The following SAMMSON variants were observed in gnomAD, a reference collection of about 807,000 sequenced individuals.
SAMMSON encodes long intergenic non-protein coding RNA 1212.
chr3:70,321,774 CT>C (rs1271005285), intron 7 of SAMMSON, among the ~76,000 whole-genome samples: 1 of 151,668 alleles, frequency 6.6e-6, no homozygotes, highest in African/African-American at 2.4e-5. Flanking sequence ...ACTATAAGGC[CT>C]TCGCTTAACT....
intron 4 of SAMMSON, among the ~76,000 whole-genome samples, chr3:70,191,413 T>C (rs1392417170): frequency 6.6e-6 from 1 of 152,334 alleles, no homozygotes; most frequent in East Asian, 1.9e-4. Flanking sequence ...GGGGCTGGCC[T>C]GGGTGCATTG....
chr3:70,384,044 A>G (rs1215563955), intron 9 of SAMMSON, among the ~76,000 whole-genome samples: 1 of 151,970 alleles, frequency 6.6e-6, no homozygotes, highest in Non-Finnish European at 1.5e-5. Context: ...TTAAGGATGC[A>G]ATCTTTGAGA....
intron 1 of SAMMSON, chr3:70,009,184 C>G (rs1265391790): frequency 6.6e-6 from 1 of 152,132 alleles, no homozygotes; most frequent in Non-Finnish European, 1.5e-5. Flanking sequence ...CCCTCTTTTT[C>G]TATTGATTGG....
At chr3:70,073,151 C>A (rs886076510) in intron 4 of SAMMSON, among the ~76,000 whole-genome samples, 1 of 151,876 alleles carries the variant, frequency 6.6e-6, no homozygotes, top group Non-Finnish European at 1.5e-5. Flanking sequence ...ACTCCAGTGG[C>A]CTTACTTAGG....
intron 7 of SAMMSON, among the ~76,000 whole-genome samples, chr3:70,328,804 A>C (rs1702599743): frequency 6.6e-6 from 1 of 152,154 alleles, no homozygotes; most frequent in Non-Finnish European, 1.5e-5. Context: ...GAAAATTAGA[A>C]ACCCACAAAT....
intron 4 of SAMMSON, among the ~76,000 whole-genome samples, chr3:70,178,899 G>A (rs1031355326): frequency 2.1e-4 from 32 of 152,220 alleles, no homozygotes; most frequent in African/African-American, 7.7e-4. Context: ...TACTAGGGAG[G>A]CTGAGGTAGG....
At chr3:70,067,255 TA>T (rs1245684968) in intron 3 of SAMMSON, among the ~76,000 whole-genome samples, 1 of 152,112 alleles carries the variant, frequency 6.6e-6, no homozygotes, top group Admixed American at 6.6e-5. Context: ...AAATTTATTT[TA>T]AAAGAACACT....
chr3:70,174,076 T>C (rs753795796), intron 4 of SAMMSON, among the ~76,000 whole-genome samples: 1 of 112,274 alleles, frequency 8.9e-6, no homozygotes, highest in Non-Finnish European at 1.8e-5. Context: ...ATTCTTTTTA[T>C]GAGGCATCTT....
chr3:70,092,277 T>G (rs2067307438), intron 4 of SAMMSON, among the ~76,000 whole-genome samples: 1 of 152,052 alleles, frequency 6.6e-6, no homozygotes, highest in African/African-American at 2.4e-5. Context: ...TGTGGGCACA[T>G]AGTAGATATA....
intron 4 of SAMMSON, among the ~76,000 whole-genome samples, chr3:70,116,293 T>TTTTTC (rs1491247109): frequency 1.2e-4 from 4 of 32,438 alleles, no homozygotes; most frequent in South Asian, 2.8e-3. Flanking sequence ...CGATGCTTTC[T>TTTTTC]TTTTTTTTTT....
chr3:70,275,510 C>T (rs111909333), intron 6 of SAMMSON, among the ~76,000 whole-genome samples: 2 of 152,218 alleles, frequency 1.3e-5, no homozygotes, highest in African/African-American at 4.8e-5. Flanking sequence ...AAGCAAGACC[C>T]TGTCTCAAAA....
chr3:70,124,422 A>G (rs574840426), intron 4 of SAMMSON, among the ~76,000 whole-genome samples: 2 of 152,354 alleles, frequency 1.3e-5, no homozygotes, highest in East Asian at 3.9e-4. Context: ...ATTAGGTACT[A>G]GGGAATCACA....
At chr3:70,007,370 G>T (rs1207083817) in intron 1 of SAMMSON, among the ~76,000 whole-genome samples, 1 of 152,118 alleles carries the variant, frequency 6.6e-6, no homozygotes, top group Non-Finnish European at 1.5e-5. Context: ...TCTCACTGTG[G>T]TTTTGATTTG....
At chr3:70,000,805 T>C (rs1441719017) in intron 1 of SAMMSON, among the ~76,000 whole-genome samples, 1 of 152,202 alleles carries the variant, frequency 6.6e-6, no homozygotes, top group African/African-American at 2.4e-5. Flanking sequence ...GTTGTTTTCC[T>C]CTTTCTGGGG....
intron 9 of SAMMSON, among the ~76,000 whole-genome samples, chr3:70,374,395 T>C (rs924182650): frequency 6.6e-6 from 1 of 152,180 alleles, no homozygotes; most frequent in Admixed American, 6.5e-5. Flanking sequence ...CTTTAAACCT[T>C]CTTTTTAAGC....
At chr3:70,263,633 T>A (rs1996818) in intron 6 of SAMMSON, among the ~76,000 whole-genome samples, 2 of 151,954 alleles carry the variant, frequency 1.3e-5, no homozygotes, top group African/African-American at 4.8e-5. Context: ...TAGATGGTAT[T>A]CAGCAAAAGA....
intron 2 of SAMMSON, among the ~76,000 whole-genome samples, chr3:70,425,827 C>G (rs1701361390): frequency 6.6e-6 from 1 of 152,164 alleles, no homozygotes; most frequent in South Asian, 2.1e-4. Flanking sequence ...AAGAGTATCA[C>G]TAAAATTTTG....
intron 2 of SAMMSON, among the ~76,000 whole-genome samples, chr3:70,405,969 A>C (rs1335103693): frequency 6.6e-6 from 1 of 152,214 alleles, no homozygotes; most frequent in Non-Finnish European, 1.5e-5. Context: ...TATTCAATAC[A>C]GGGAGTCTAT....
chr3:70,164,418 A>T (rs2067628462), intron 4 of SAMMSON, among the ~76,000 whole-genome samples: 1 of 152,076 alleles, frequency 6.6e-6, no homozygotes, highest in African/African-American at 2.4e-5. Flanking sequence ...TTTCAAAAAA[A>T]GATCTGTTTT....
Sources: gnomAD v4.1 joint callset for allele counts (sites outside exome capture counted in the v4.1 genomes callset) on GRCh38, gnomAD v4.1.1 for gene constraint, MANE v1.5 for transcripts, NCBI Gene and HGNC (gene_info 2026-07-23, HGNC 2026-07-21) for gene names.